Variants in ARGLU1 observed in about 807,000 individuals in gnomAD.
ARGLU1 encodes arginine and glutamate-rich protein 1.
Under a neutral mutation model 37.6 loss-of-function variants are expected in ARGLU1, and 9 were observed. The ratio of observed to expected loss-of-function variants is 0.24; its 90% CI spans 0.14 to 0.42. ARGLU1 has a LOEUF of 0.42. ARGLU1 is among the 10% of genes least tolerant of loss of function. The pLI is 1.00. For missense variants in ARGLU1, 211 were observed against 359.2 expected (o/e 0.59, Z 3.34); for synonymous variants, 166 against 138.5 (o/e 1.20, Z -1.39).
At chr13:106,560,461 C>T (rs1880766538) in intron 1 of ARGLU1, among the ~76,000 whole-genome samples, 1 of 152,110 alleles carries the variant, frequency 6.6e-6, no homozygotes, top group South Asian at 2.1e-4. Flanking sequence ...ACATTTCATA[C>T]CAATGATATT....
intron 3 of ARGLU1, among the ~76,000 whole-genome samples, chr13:106,552,696 A>G (rs1408479541): frequency 6.6e-6 from 1 of 152,218 alleles, no homozygotes; most frequent in East Asian, 1.9e-4. Context: ...TTTAAGCATT[A>G]TTTTTAACAA....
At chr13:106,551,091 CACAA>C (rs1258437031) in intron 3 of ARGLU1, among the ~76,000 whole-genome samples, 1 of 152,222 alleles carries the variant, frequency 6.6e-6, no homozygotes. Flanking sequence ...GTTTCTTCCA[CACAA>C]ACAAAAGGCT....
intron 1 of ARGLU1, among the ~76,000 whole-genome samples, chr13:106,563,369 C>G (rs1880869359): frequency 6.6e-6 from 1 of 152,164 alleles, no homozygotes; most frequent in Non-Finnish European, 1.5e-5. Context: ...CTGGATGTTG[C>G]TGAGCTGTTT....
In ARGLU1 at chr13:106,543,461, T is replaced by C. The variant is rs1319784949; in HGVS notation, c.*535A>G. On this transcript the variant is annotated 3_prime_UTR_variant, in exon 4 of 4. Coordinates refer to ENST00000400198, the MANE Select transcript of ARGLU1 (RefSeq NM_018011.4). ...ACTGTATATATACTTTGTATCAGAGTTGACCAACTGTTTCCTTACCTGTAT... is the reference window on the plus strand; with the variant it reads ...ACTGTATATATACTTTGTATCAGAGCTGACCAACTGTTTCCTTACCTGTAT... 4 of 152,580 alleles carry C rather than the reference T, an allele frequency of 2.6e-5. No individual in the cohort carries two copies. Among genetic ancestry groups the C allele is most frequent in the Admixed American group, 6.6e-5 (1 of 15,266 alleles). The allele number at this position is 152,580 out of a possible 1,614,324, so 9.5% of individuals were successfully genotyped here.
At chr13:106,549,473 T>G (rs1468011920) in intron 3 of ARGLU1, among the ~76,000 whole-genome samples, 2 of 152,212 alleles carry the variant, frequency 1.3e-5, no homozygotes, top group Non-Finnish European at 2.9e-5. Context: ...ATATATTTGA[T>G]ACGATTAGTT....
chr13:106,548,874 G>A (rs1383273968), intron 3 of ARGLU1, among the ~76,000 whole-genome samples: 3 of 152,078 alleles, frequency 2.0e-5, no homozygotes, highest in Non-Finnish European at 4.4e-5. Flanking sequence ...TCAGCCTCCC[G>A]AGTAGCTGGG....
At chr13:106,561,869 A>G (rs1463878510) in intron 1 of ARGLU1, 1 of 152,216 alleles carries the variant, frequency 6.6e-6, no homozygotes, top group Non-Finnish European at 1.5e-5. Context: ...CCCTGCTTCT[A>G]TTTCCACTGA....
Position 106,567,908 on chromosome 13 carries a change from A to C in ARGLU1, c.12T>G (p.Ser4=). 6 of 1,608,420 alleles carry C rather than the reference A, an allele frequency of 3.7e-6. No homozygotes were observed. The highest frequency in any genetic ancestry group is 1.7e-5 in the Admixed American group (1 of 59,718). Residue 4 remains serine, a synonymous_variant, in exon 1 of 4, where the codon TCT becomes TCG. Coordinates refer to ENST00000400198, the MANE Select transcript of ARGLU1 (RefSeq NM_018011.4). The surrounding 1 kb of genome is among the most constrained non-coding windows in gnomAD (Gnocchi z 4.3). MGR[S]RSRSSSRSKH... ...TGGAGCGGGACGAGCTCCGGCTCCGAGACCGGCCCATCCTTCCGGGAGACG... is the reference window on the plus strand; with the variant it reads ...TGGAGCGGGACGAGCTCCGGCTCCGCGACCGGCCCATCCTTCCGGGAGACG...
chr13:106,562,545 C>T (rs1317732497), intron 1 of ARGLU1, among the ~76,000 whole-genome samples: 4 of 152,156 alleles, frequency 2.6e-5, no homozygotes, highest in African/African-American at 4.8e-5. Context: ...ATGTTCTTTT[C>T]TCTAATGTTT....
intron 3 of ARGLU1, among the ~76,000 whole-genome samples, chr13:106,548,524 T>C (rs1880452437): frequency 6.6e-6 from 1 of 152,102 alleles, no homozygotes; most frequent in African/African-American, 2.4e-5. Context: ...AGTGGACAGC[T>C]TGGAGGCCAA....
intron 3 of ARGLU1, among the ~76,000 whole-genome samples, chr13:106,545,275 TATC>T (rs952098205): frequency 1.6e-4 from 25 of 152,228 alleles, no homozygotes; most frequent in African/African-American, 5.8e-4. Flanking sequence ...TAATATCAGT[TATC>T]ATGATTTATC....
At chr13:106,552,668 A>G (rs537275345) in intron 3 of ARGLU1, among the ~76,000 whole-genome samples, 2 of 152,342 alleles carry the variant, frequency 1.3e-5, no homozygotes, top group East Asian at 3.9e-4. Context: ...TAAAAACACC[A>G]TGAAGACTTC....
chr13:106,547,544 A>C (rs1260787262), intron 3 of ARGLU1, among the ~76,000 whole-genome samples: 1 of 152,112 alleles, frequency 6.6e-6, no homozygotes, highest in Admixed American at 6.5e-5. Flanking sequence ...AAAAACAAGT[A>C]AGAGGAAAAA....
intron 1 of ARGLU1, among the ~76,000 whole-genome samples, chr13:106,565,364 A>G (rs887014263): frequency 2.0e-5 from 3 of 152,184 alleles, no homozygotes; most frequent in African/African-American, 7.2e-5. Flanking sequence ...CATATGTCCT[A>G]TACCTTGCCT....
chr13:106,556,992 G>A (rs558641210), intron 3 of ARGLU1, 56 bp downstream of exon 3: 104 of 1,489,776 alleles, frequency 7.0e-5, no homozygotes, highest in Middle Eastern at 1.7e-4. Context: ...CACAAAATCC[G>A]AAAAAAGGAA....
chr13:106,557,642 T>G lies in ARGLU1; in HGVS notation c.574-511A>C. On this transcript the variant is annotated intron_variant, in intron 2 of 3. Transcript: ENST00000400198. This position sits in a 1 kb window ranked among gnomAD's most constrained non-coding sequence, Gnocchi z 5.0. ...CTTTAAAATGATTTGTACTGTTAGC[T>G]TGGCAATACCTGCATCAGCAGCTCA... 1 of 1,586,746 alleles carries G rather than the reference T, an allele frequency of 6.3e-7. No homozygotes were observed. Among genetic ancestry groups the G allele is most frequent in the Non-Finnish European group, 8.6e-7 (1 of 1,165,860 alleles).
chr13:106,545,979 T>C (rs1238951679), intron 3 of ARGLU1, among the ~76,000 whole-genome samples: 1 of 152,206 alleles, frequency 6.6e-6, no homozygotes. Flanking sequence ...GTTTCAAGAT[T>C]TAAATTCTTC....
intron 3 of ARGLU1, among the ~76,000 whole-genome samples, chr13:106,554,354 T>C (rs980314096): frequency 6.6e-6 from 1 of 152,226 alleles, no homozygotes; most frequent in Non-Finnish European, 1.5e-5. Flanking sequence ...CTTCTTGCTT[T>C]ATATGGTATC....
intron 1 of ARGLU1, among the ~76,000 whole-genome samples, chr13:106,563,231 T>G (rs534833049): frequency 6.6e-6 from 1 of 152,192 alleles, no homozygotes; most frequent in Non-Finnish European, 1.5e-5. Context: ...ACATATAATA[T>G]TGTGCCAAAA....
Sources: gnomAD v4.1 joint callset for allele counts (sites outside exome capture counted in the v4.1 genomes callset) on GRCh38, gnomAD v4.1.1 for gene constraint, Gnocchi (gnomAD v3.1) non-coding constraint, MANE v1.5 for transcripts, NCBI Gene and HGNC (gene_info 2026-07-23, HGNC 2026-07-21) for gene names.